TMEM44: variants seen among roughly 807,000 people sequenced by gnomAD.
TMEM44 encodes transmembrane protein 44.
TMEM44 carries 43 observed loss-of-function variants against 47.8 expected under a neutral mutation model. The observed-to-expected ratio is 0.90, with a 90% confidence interval of 0.70 to 1.16. The LOEUF (loss-of-function observed/expected upper bound fraction) is 1.16, where lower values mean the gene tolerates loss of function less well. Among genes scored for constraint, TMEM44 ranks in the 50% most tolerant of loss-of-function variants. The pLI is 0.00. For synonymous variants in TMEM44, 277 were observed against 238.8 expected (o/e 1.16, Z -1.48); for missense variants, 568 against 555.2 (o/e 1.02, Z -0.23).
chr3:194,614,336 G>C (rs1041903606), intron 7 of TMEM44, among the ~76,000 whole-genome samples: 11 of 152,180 alleles, frequency 7.2e-5, no homozygotes, highest in African/African-American at 2.4e-4. Flanking sequence ...TGGTGGTAAT[G>C]ATGTGGATAT....
At chr3:194,628,648 G>A in intron 1 of TMEM44, 139 bp from the exon 2 acceptor site, 1 of 1,061,060 alleles carries the variant, frequency 9.4e-7, no homozygotes, top group Non-Finnish European at 1.3e-6. Context: ...TTTTTGAACT[G>A]AGTTTACAGA....
intron 1 of TMEM44, among the ~76,000 whole-genome samples, chr3:194,630,896 A>G (rs1279595960): frequency 8.3e-5 from 9 of 108,822 alleles, no homozygotes; most frequent in South Asian, 3.4e-4. Context: ...TGTTTCCGTC[A>G]GCGTCACTGA....
Position 194,628,425 on chromosome 3 carries a change from A to G in TMEM44, c.222T>C (p.Cys74=). The G allele has an allele frequency of 6.2e-7, 1 of 1,613,144 alleles. No homozygotes were observed. The highest frequency in any genetic ancestry group is 1.1e-5 in the South Asian group (1 of 90,836). Residue 74 remains cysteine (C), a synonymous_variant, in exon 2 of 10, where the codon TGT becomes TGC. Coordinates refer to ENST00000347147, the MANE Select transcript of TMEM44 (RefSeq NM_001011655.3). ...TGGCCAGAAGAGCCCCGACGGTGTC[A>G]CACAGACTGGTCAGGAGGCAGCACG... ...CAACCLLTSL[C]DTVGALLARQ... is the part of the protein sequence containing the mutation.
Position 194,604,352 on chromosome 3 carries a change from C to T in TMEM44, c.1111G>A (p.Val371Ile), listed in dbSNP as rs1227353707. The part of the protein sequence containing the change: ...QDPPSYPPVQ[V>I]IRARVSSGSS... Reference sequence around the variant, plus strand: ...CCGGAAGACACCCGGGCCCGGATGACCTGAACGGGAGGGTACGACGGGGGG... The same window carrying T: ...CCGGAAGACACCCGGGCCCGGATGATCTGAACGGGAGGGTACGACGGGGGG... Residue 371 changes from valine (V) to isoleucine (I), a missense_variant, in exon 9 of 10, where the codon GTC becomes ATC. Transcript: ENST00000347147. 3.2e-6 allele frequency: 5 copies of T among 1,572,256 alleles called. No homozygotes were observed. The African/African-American group carries it at 5.4e-5, about 17-fold the overall frequency.
intron 3 of TMEM44, among the ~76,000 whole-genome samples, chr3:194,625,002 C>T (rs1436007563): frequency 6.6e-6 from 1 of 152,150 alleles, no homozygotes; most frequent in Non-Finnish European, 1.5e-5. Flanking sequence ...CAGGTGTGGG[C>T]CACCATGCCC....
chr3:194,627,630 G>C (rs1026351893), intron 2 of TMEM44, among the ~76,000 whole-genome samples: 1 of 152,152 alleles, frequency 6.6e-6, no homozygotes, highest in African/African-American at 2.4e-5. Flanking sequence ...ATACAGCAGT[G>C]AACAAATCCT....
chr3:194,600,988 T>C (rs1714031810), intron 9 of TMEM44, among the ~76,000 whole-genome samples: 2 of 152,164 alleles, frequency 1.3e-5, no homozygotes, highest in Admixed American at 6.5e-5. Flanking sequence ...TTTTAGGGCA[T>C]GAAGGAGGAA....
At chr3:194,612,042 A>G (rs1715380356) in intron 7 of TMEM44, among the ~76,000 whole-genome samples, 1 of 151,612 alleles carries the variant, frequency 6.6e-6, no homozygotes, top group Non-Finnish European at 1.5e-5. Context: ...ATAAATAAAT[A>G]AATAAATAAA....
chr3:194,607,814 T>A (rs1018425027), intron 8 of TMEM44, among the ~76,000 whole-genome samples: 12 of 152,280 alleles, frequency 7.9e-5, no homozygotes, highest in African/African-American at 2.6e-4. Flanking sequence ...GGGGTGCCCC[T>A]AGTGCTGAGG....
intron 7 of TMEM44, among the ~76,000 whole-genome samples, chr3:194,615,146 G>T (rs1715739146): frequency 6.6e-6 from 1 of 152,152 alleles, no homozygotes; most frequent in South Asian, 2.1e-4. Context: ...GGTGGCTGAG[G>T]CAGGAGAATT....
intron 9 of TMEM44, among the ~76,000 whole-genome samples, chr3:194,594,153 A>ATCAATCTATCTATCTATCTGTCTG (rs1713109095): frequency 6.7e-6 from 1 of 148,284 alleles, no homozygotes; most frequent in Admixed American, 6.8e-5. Flanking sequence ...CTATCTATCT[A>ATCAATCTATCTATCTATCTGTCTG]TCTATCTATC....
At chr3:194,626,340 A>G (rs1717178430) in intron 2 of TMEM44, among the ~76,000 whole-genome samples, 1 of 152,188 alleles carries the variant, frequency 6.6e-6, no homozygotes, top group Admixed American at 6.5e-5. Context: ...CAGTTTCCCC[A>G]TCTGTAAAAC....
chr3:194,627,729 G>A (rs1170101122), intron 2 of TMEM44, among the ~76,000 whole-genome samples: 1 of 152,206 alleles, frequency 6.6e-6, no homozygotes, highest in African/African-American at 2.4e-5. Flanking sequence ...TGTAATCCTA[G>A]CACATTGGGA....
intron 9 of TMEM44, among the ~76,000 whole-genome samples, chr3:194,602,651 G>C (rs905086911): frequency 1.3e-5 from 2 of 152,072 alleles, no homozygotes; most frequent in Non-Finnish European, 2.9e-5. Context: ...GCACTCAGAG[G>C]AAGGAGCCGC....
intron 9 of TMEM44, among the ~76,000 whole-genome samples, chr3:194,592,295 A>G (rs988201900): frequency 1.3e-5 from 2 of 152,222 alleles, no homozygotes; most frequent in Non-Finnish European, 1.5e-5. Flanking sequence ...ATCCATTTTC[A>G]TATCAGAAAC....
At position 194,633,322 on chromosome 3, in the gene TMEM44, T is replaced by A. The variant is rs1174794169; in HGVS notation, c.-107A>T. On this transcript the variant is annotated 5_prime_UTR_variant, in exon 1 of 10. Transcript: ENST00000347147. ...CCGCGTGCCCTTCTCTGGGTTCCGT[T>A]CCGCCGCGGCGCCTCCGGCCGAGCG... is the stretch of plus-strand genomic sequence containing the variant. 2 of 457,336 alleles carry A rather than the reference T, an allele frequency of 4.4e-6. No homozygotes were observed. The allele number at this position is 457,336 out of a possible 1,614,324, so 28.3% of individuals were successfully genotyped here. A position where few individuals can be genotyped will look rare whatever the true frequency, so the allele number is the denominator to read the frequency against.
intron 9 of TMEM44, among the ~76,000 whole-genome samples, chr3:194,598,591 G>A (rs9839764): frequency 0.43 from 64,744 of 151,926 alleles, 14,648 homozygotes; most frequent in East Asian, 0.77. Flanking sequence ...GCTGGGAAGC[G>A]ATAGCCCACA....
intron 9 of TMEM44, among the ~76,000 whole-genome samples, chr3:194,595,775 G>A (rs555859744): frequency 3.9e-5 from 6 of 152,006 alleles, no homozygotes; most frequent in African/African-American, 1.2e-4. Context: ...ACAGGCGTGC[G>A]CCACCATGCC....
At chr3:194,600,248 C>T (rs1055470064) in intron 9 of TMEM44, among the ~76,000 whole-genome samples, 4 of 152,032 alleles carry the variant, frequency 2.6e-5, no homozygotes, top group Non-Finnish European at 4.4e-5. Context: ...TGTACCACTA[C>T]GCCAAGCTAA....
Sources: gnomAD v4.1 joint callset for allele counts (sites outside exome capture counted in the v4.1 genomes callset) on GRCh38, gnomAD v4.1.1 for gene constraint, MANE v1.5 for transcripts, NCBI Gene and HGNC (gene_info 2026-07-23, HGNC 2026-07-21) for gene names.